Variants in P3H2 observed in about 807,000 individuals in gnomAD.
The protein encoded by P3H2 is prolyl 3-hydroxylase 2, also known as leprecan-like 1.
Under a neutral mutation model 87.0 loss-of-function variants are expected in P3H2, and 80 were observed. The ratio of observed to expected loss-of-function variants is 0.92; its 90% confidence interval spans 0.77 to 1.11. The LOEUF (loss-of-function observed/expected upper bound fraction) is 1.11. Among genes scored for constraint, P3H2 ranks in the 50% least tolerant of loss-of-function variants. P3H2 has a pLI of 0.00. For synonymous variants in P3H2, 367 were observed against 359.3 expected, an observed-to-expected ratio of 1.02 and a Z score of -0.24; for missense variants, 1,001 against 923.9, an observed-to-expected ratio of 1.08 and a Z score of -1.08.
At chr3:190,114,524 C>T (rs956504344) in intron 1 of P3H2, among the ~76,000 whole-genome samples, 2 of 152,118 alleles carry the variant, frequency 1.3e-5, no homozygotes, top group African/African-American at 4.8e-5. Context: ...GCACTTATCA[C>T]TTATACGGGC....
rs748885674 is a variant in P3H2 at position 189,973,910 on chromosome 3, T to C, written c.1547A>G (p.Lys516Arg). The change falls in exon 10 of 15, where the codon AAA becomes AGA. Residue 516 changes from lysine (K) to arginine (R), a missense_variant and splice_region_variant. By Grantham distance (26) the Lys-to-Arg change is conservative. Coordinates refer to ENST00000319332, the MANE Select transcript of P3H2 (RefSeq NM_018192.4). ...FEGATVLKAL[K>R]SGYEGRVPLK... ...ACCCAAAAGAAGTTAAGACTTTACT[T>C]TGAGTGCTTTCAGGACAGTTGCACC... 6.2e-7 allele frequency: 1 copy of C among 1,611,544 alleles called. No individual in the cohort carries two copies. Among genetic ancestry groups the C allele is most frequent in the Non-Finnish European group, 8.5e-7 (1 of 1,177,618 alleles).
chr3:190,012,380 C>T (rs1724622167), intron 1 of P3H2, among the ~76,000 whole-genome samples: 1 of 152,012 alleles, frequency 6.6e-6, no homozygotes, highest in Non-Finnish European at 1.5e-5. Context: ...TGATCTTATC[C>T]CTCTCTGATT....
rs1027883206 is a variant in P3H2, at chr3:190,040,542, A to T, written c.481-45100T>A. On this transcript the variant is annotated intron_variant, in intron 1 of 14. Transcript: ENST00000319332. ...TATACGACTAAAAATGTTCATATTC[A>T]TCACCTAAGGAAGGTAATGCTTTTA... 3.9e-5 allele frequency among the ~76,000 whole-genome samples: 6 copies of T among 152,314 alleles called. No individual in the cohort carries two copies. The East Asian group carries it at 1.2e-3, about 29-fold the overall frequency.
chr3:190,044,294 T>C (rs765714), intron 1 of P3H2, among the ~76,000 whole-genome samples: 4,575 of 152,248 alleles, frequency 0.03, 235 homozygotes, highest in African/African-American at 0.1. Flanking sequence ...TCCTAACACA[T>C]GACACATTAG....
intron 1 of P3H2, among the ~76,000 whole-genome samples, chr3:190,058,002 G>C (rs1560382608): frequency 6.6e-6 from 1 of 152,052 alleles, no homozygotes; most frequent in African/African-American, 2.4e-5. Context: ...GAATATTAGA[G>C]ACAGAGGAAT....
At chr3:190,090,007 G>A (rs1039091621) in intron 1 of P3H2, among the ~76,000 whole-genome samples, 1 of 152,064 alleles carries the variant, frequency 6.6e-6, no homozygotes, top group Non-Finnish European at 1.5e-5. Flanking sequence ...CTTGTGGTTT[G>A]GTGTCTGTGT....
intron 1 of P3H2, among the ~76,000 whole-genome samples, chr3:190,031,466 G>A (rs146828840): frequency 2.4e-3 from 366 of 152,010 alleles, no homozygotes; most frequent in African/African-American, 8.6e-3. Context: ...GGTAAACCCT[G>A]TCTCTACTAA....
At chr3:190,082,299 C>T (rs1727069188) in intron 1 of P3H2, among the ~76,000 whole-genome samples, 1 of 152,056 alleles carries the variant, frequency 6.6e-6, no homozygotes. Context: ...CAAACATTGA[C>T]CTTAGCTTGA....
chr3:190,039,930 T>C (rs1725555786), intron 1 of P3H2, among the ~76,000 whole-genome samples: 1 of 152,228 alleles, frequency 6.6e-6, no homozygotes, highest in Non-Finnish European at 1.5e-5. Context: ...CTGTATTTAC[T>C]TTCTATGATA....
intron 1 of P3H2, among the ~76,000 whole-genome samples, chr3:190,034,682 C>T (rs1315211793): frequency 6.6e-6 from 1 of 152,098 alleles, no homozygotes; most frequent in East Asian, 1.9e-4. Flanking sequence ...GGTGACGTAA[C>T]TGCTCTGTAT....
chr3:190,112,343 T>TA (rs1712102258), intron 1 of P3H2, among the ~76,000 whole-genome samples: 1 of 152,208 alleles, frequency 6.6e-6, no homozygotes, highest in Non-Finnish European at 1.5e-5. Flanking sequence ...GGCAGAAAGA[T>TA]AGAGAGCTGG....
At chr3:189,978,081 G>T (rs1452693912) in intron 8 of P3H2, among the ~76,000 whole-genome samples, 1 of 152,102 alleles carries the variant, frequency 6.6e-6, no homozygotes, top group African/African-American at 2.4e-5. Context: ...AGTATAAAAA[G>T]AAATGTTCCT....
chr3:190,044,706 T>C (rs533773945), intron 1 of P3H2, among the ~76,000 whole-genome samples: 1 of 152,252 alleles, frequency 6.6e-6, no homozygotes, highest in African/African-American at 2.4e-5. Flanking sequence ...AACTATCACA[T>C]ATGGAGGAGT....
intron 1 of P3H2, among the ~76,000 whole-genome samples, chr3:190,048,064 C>T (rs1725860569): frequency 6.6e-6 from 1 of 152,110 alleles, no homozygotes; most frequent in South Asian, 2.1e-4. Context: ...CTTTAGAGGT[C>T]CCTCAAGGAC....
chr3:189,961,657 C>G (rs1417699691), intron 14 of P3H2, among the ~76,000 whole-genome samples: 2 of 152,160 alleles, frequency 1.3e-5, no homozygotes. Flanking sequence ...CCACGTGTAG[C>G]AAAGAATGAT....
chr3:190,076,210 G>C (rs1289810714), intron 1 of P3H2, among the ~76,000 whole-genome samples: 1 of 150,878 alleles, frequency 6.6e-6, no homozygotes, highest in Non-Finnish European at 1.5e-5. Context: ...CACACACACA[G>C]AAACAATTAA....
intron 14 of P3H2, among the ~76,000 whole-genome samples, chr3:189,959,821 ATCT>A (rs1295914930): frequency 1.3e-5 from 2 of 150,582 alleles, no homozygotes; most frequent in East Asian, 3.9e-4. Flanking sequence ...AGCTAAAGTA[ATCT>A]TCTGTATCCT....
At chr3:190,061,651 T>G (rs1369411745) in intron 1 of P3H2, among the ~76,000 whole-genome samples, 1 of 152,170 alleles carries the variant, frequency 6.6e-6, no homozygotes, top group Non-Finnish European at 1.5e-5. Context: ...CCTGCCAGTT[T>G]CCTGCTAAGG....
intron 1 of P3H2, among the ~76,000 whole-genome samples, chr3:190,092,756 G>A (rs541238023): frequency 6.6e-6 from 1 of 152,218 alleles, no homozygotes; most frequent in East Asian, 1.9e-4. Context: ...CAAAGATAAT[G>A]AGACTTTTAA....
Sources: gnomAD v4.1 joint callset for allele counts (sites outside exome capture counted in the v4.1 genomes callset) on GRCh38, gnomAD v4.1.1 for gene constraint, MANE v1.5 for transcripts, NCBI Gene and HGNC (gene_info 2026-07-23, HGNC 2026-07-21) for gene names.